Variants in A2ML1 observed in about 807,000 individuals in gnomAD.
A2ML1 encodes alpha-2-macroglobulin like 1.
In A2ML1, 161 loss-of-function variants were observed where a neutral mutation model predicts 181.9. The observed-to-expected ratio is 0.89, with a 90% CI of 0.78 to 1.01. The LOEUF is 1.01. Among genes scored for constraint, A2ML1 ranks in the 50% least tolerant of loss-of-function variants. The pLI, the probability that A2ML1 is intolerant of heterozygous loss-of-function variation, is 0.00. For synonymous variants in A2ML1, 663 were observed against 666.8 expected (o/e 0.99, Z 0.09); for missense variants, 1,670 against 1,768.1 (o/e 0.94, Z 1.00).
At chr12:8,880,786 T>C (rs1482145283), downstream of A2ML1, among the ~76,000 whole-genome samples, 1 of 152,134 alleles carries the variant, frequency 6.6e-6, no homozygotes, top group Non-Finnish European at 1.5e-5. Context: ...TGTTCATTAA[T>C]TAATAACATC....
chr12:8,868,685 T>G, intron 32 of A2ML1, 58 bp downstream of exon 32: 4 of 1,497,158 alleles, frequency 2.7e-6, no homozygotes, highest in Non-Finnish European at 3.7e-6. Context: ...ACGTTATAAT[T>G]TAAAAAACTG....
At chr12:8,861,078 A>G in intron 27 of A2ML1, 57 bp from the exon 28 acceptor site, 1 of 1,607,636 alleles carries the variant, frequency 6.2e-7, no homozygotes, top group Non-Finnish European at 8.5e-7. Flanking sequence ...TTTCCTGATT[A>G]CTTGCCATTT....
chr12:8,855,436 C>G, intron 22 of A2ML1, 73 bp from the exon 23 acceptor site: 1 of 1,415,202 alleles, frequency 7.1e-7, no homozygotes, highest in Non-Finnish European at 1.0e-6. Context: ...GAAAGTTCTT[C>G]TAAAATTTTG....
chr12:8,861,510 C>T (rs999544812), intron 28 of A2ML1, among the ~76,000 whole-genome samples: 7 of 152,194 alleles, frequency 4.6e-5, no homozygotes, highest in South Asian at 2.1e-4. Flanking sequence ...CTTTTTGAGA[C>T]GGAGTCTTGC....
In A2ML1 at chr12:8,835,531, C is replaced by T. The variant is rs1186342735; in HGVS notation, c.508C>T (p.Gln170Ter). ...GGATCCAAATAGCAACAGGATTGCACAGTGGCTGGAAGTGGTACCTGAGCA... is the reference window on the plus strand; with the variant it reads ...GGATCCAAATAGCAACAGGATTGCATAGTGGCTGGAAGTGGTACCTGAGCA... ...LQDPNSNRIAQWLEVVPEQGI... is the reference protein window; with the variant it reads ...LQDPNSNRIA The change falls in exon 6 of 36, where the codon CAG becomes TAG. Residue 170 changes from glutamine (Q) to a stop codon, truncating the protein, a stop_gained. Transcript: ENST00000299698. LOFTEE classifies it high-confidence loss of function. 3 of 1,614,044 alleles carry T rather than the reference C, an allele frequency of 1.9e-6. No individual in the cohort carries two copies. The highest frequency in any genetic ancestry group is 2.2e-5 in the South Asian group (2 of 91,092).
intron 11 of A2ML1, among the ~76,000 whole-genome samples, chr12:8,841,928 G>A (rs1445560440): frequency 1.3e-5 from 2 of 152,112 alleles, no homozygotes; most frequent in Non-Finnish European, 2.9e-5. Flanking sequence ...TAACTTATAA[G>A]TATCAATTAT....
chr12:8,843,444 C>A, intron 12 of A2ML1, 83 bp downstream of exon 12: 23 of 1,322,698 alleles, frequency 1.7e-5, no homozygotes, highest in Non-Finnish European at 2.2e-5. Context: ...TGCACCTAGG[C>A]TATCTGAATT....
rs1350570612 is a variant in A2ML1, at chr12:8,871,895, CCTGGCCGGG to C, written c.4222-2528_4222-2520del. ...ATTTAGTCAGATATTAAAACTGCTA[CCTGGCCGGG>C]CGCAGTGGCTCATGCCTGTAATCCC... On this transcript the variant is annotated intron_variant, in intron 33 of 35. Coordinates refer to ENST00000299698, the MANE Select transcript of A2ML1 (RefSeq NM_144670.6). 2.6e-5 allele frequency among the ~76,000 whole-genome samples: 4 copies of C among 152,010 alleles called. No homozygotes were observed. In the East Asian group the frequency reaches 7.7e-4, roughly 29 times the overall value.
At chr12:8,854,651 G>A in intron 21 of A2ML1, 129 bp from the exon 22 acceptor site, 2 of 946,802 alleles carry the variant, frequency 2.1e-6, no homozygotes, top group South Asian at 2.9e-5. Flanking sequence ...GCTTCAGTGA[G>A]AAGCTCTTGT....
rs749930364 is a variant in A2ML1, at chr12:8,841,351, A to G, written c.1081-18A>G. The G allele has an allele frequency of 1.2e-6, 2 of 1,612,122 alleles. No homozygotes were observed. Among genetic ancestry groups the G allele is most frequent in the Non-Finnish European group, 1.7e-6 (2 of 1,178,990 alleles). ...ACTCCAAACCTAATTCTAATCCGTA[A>G]TGATCTTTGTCCTTCAGATAAGAGT... On this transcript the variant is annotated intron_variant, in intron 10 of 35. Coordinates refer to ENST00000299698, the MANE Select transcript of A2ML1 (RefSeq NM_144670.6).
chr12:8,858,003 T>A lies in A2ML1; in HGVS notation c.3165T>A (p.Asp1055Glu). 1 of 1,614,146 alleles carries A rather than the reference T, an allele frequency of 6.2e-7. No individual in the cohort carries two copies. Among genetic ancestry groups the A allele is most frequent in the South Asian group, 1.1e-5 (1 of 91,070 alleles). ...FGQAQKFIFI[D>E]PKNIQDALKW... ...AAGCTCAGAAATTCATCTTCATTGA[T>A]CCCAAGAACATCCAGGATGCTCTCA... Residue 1055 changes from aspartate (D) to glutamate (E), a missense_variant, in exon 26 of 36, where the codon GAT becomes GAA. By Grantham distance (45) the Asp-to-Glu change is conservative. Transcript: ENST00000299698.
chr12:8,852,188 G>T lies in A2ML1; in HGVS notation c.2464-22G>T. On this transcript the variant is annotated intron_variant, in intron 19 of 35. Transcript: ENST00000299698. The surrounding 1 kb of genome is among the most constrained non-coding windows in gnomAD (Gnocchi z 4.2). ...ACTACCTCCTTTGTTTGTACCCTTT[G>T]TCTCTTAAACATCCTCCGTAGGTTC... 1 of 1,613,620 alleles carries T rather than the reference G, an allele frequency of 6.2e-7. No individual in the cohort carries two copies. The highest frequency in any genetic ancestry group is 1.1e-5 in the South Asian group (1 of 91,042).
Position 8,829,724 on chromosome 12 carries a change from C to T in A2ML1, c.410-3C>T, listed in dbSNP as rs1315308326. Reference sequence around the variant, plus strand: ...TTTGCTAATGATGCCTGTTCCTTTCCAGTGTATTTCCGCATTGTCACCATG... The same window carrying T: ...TTTGCTAATGATGCCTGTTCCTTTCTAGTGTATTTCCGCATTGTCACCATG... On this transcript the variant is annotated splice_polypyrimidine_tract_variant and splice_region_variant and intron_variant, in intron 3 of 35. Transcript: ENST00000299698. 1.2e-6 allele frequency: 2 copies of T among 1,613,498 alleles called. No homozygotes were observed. The highest frequency in any genetic ancestry group is 2.2e-5 in the South Asian group (2 of 91,038).
intron 7 of A2ML1, among the ~76,000 whole-genome samples, chr12:8,885,610 G>A (rs1209778823): frequency 6.6e-6 from 1 of 151,944 alleles, no homozygotes; most frequent in Non-Finnish European, 1.5e-5. Flanking sequence ...GGAGGCACAT[G>A]CCACCACACC....
At position 8,829,910 on chromosome 12, in the gene A2ML1, G is replaced by A. The variant is rs112267835; in HGVS notation, c.462+131G>A. 910 of 1,078,554 alleles carry A rather than the reference G, an allele frequency of 8.4e-4. 9 individuals are homozygous for A. In the African/African-American group the frequency reaches 0.012, roughly 15 times the overall value. The allele number at this position is 1,078,554 out of a possible 1,614,324, so 66.8% of individuals were successfully genotyped here. The stretch of plus-strand genomic sequence containing the variant: ...CTCTGGGTTGGAGACTGCTGTGTGC[G>A]TGGGACTGGAAGTGCTGGGCGAGCT... On this transcript the variant is annotated intron_variant, in intron 4 of 35. Coordinates refer to ENST00000299698, the MANE Select transcript of A2ML1 (RefSeq NM_144670.6).
rs779067965 is a variant in A2ML1 at position 8,823,241 on chromosome 12, T to C, written c.122T>C (p.Leu41Ser). Residue 41 changes from leucine (L) to serine (S), a missense_variant, in exon 2 of 36, where the codon TTG (leucine) becomes TCG (serine). Transcript: ENST00000299698. Reference sequence around the variant, plus strand: ...TTCCCCTCCGTTCAGAAGGTTTGTTTGGACCTGAGCCCTGGGTACAGTGAT... The same window carrying C: ...TTCCCCTCCGTTCAGAAGGTTTGTTCGGACCTGAGCCCTGGGTACAGTGAT... Reference protein sequence around the residue: ...LNFPSVQKVCLDLSPGYSDVK... With the variant: ...LNFPSVQKVCSDLSPGYSDVK... 1.2e-6 allele frequency: 2 copies of C among 1,614,190 alleles called. No individual in the cohort carries two copies. Among genetic ancestry groups the C allele is most frequent in the African/African-American group, 1.3e-5 (1 of 75,040 alleles).
chr12:8,879,984 TCA>T (rs773764590), downstream of A2ML1, among the ~76,000 whole-genome samples: 3 of 152,230 alleles, frequency 2.0e-5, no homozygotes, highest in South Asian at 6.2e-4. Flanking sequence ...CTCAAAAAGC[TCA>T]CAGACTAGTG....
Position 8,839,130 on chromosome 12 carries a change from A to C in A2ML1, c.988A>C (p.Thr330Pro), listed in dbSNP as rs897684841. The stretch of plus-strand genomic sequence containing the variant: ...CTCTGCAGGTGTGGAGGCCAATGCC[A>C]CTCAGAATATCTACATTTCTCCACA... ...EEGTGVEANA[T>P]QNIYISPQMG... Residue 330 changes from threonine (T) to proline (P), a missense_variant, in exon 10 of 36, where the codon ACT becomes CCT. Thr to Pro is a conservative substitution (Grantham distance 38). Coordinates refer to ENST00000299698, the MANE Select transcript of A2ML1 (RefSeq NM_144670.6). The C allele has an allele frequency of 6.2e-7, 1 of 1,612,906 alleles. No homozygotes were observed. Among genetic ancestry groups the C allele is most frequent in the Non-Finnish European group, 8.5e-7 (1 of 1,179,422 alleles).
intron 22 of A2ML1, among the ~76,000 whole-genome samples, 156 bp downstream of exon 22, chr12:8,854,987 C>A (rs888091414): frequency 3.3e-5 from 5 of 151,920 alleles, no homozygotes; most frequent in Non-Finnish European, 5.9e-5. Context: ...CTCTGCCTCC[C>A]GGGTTCAAGT....
Sources: allele counts gnomAD v4.1 joint callset (sites outside exome capture counted in the v4.1 genomes callset), GRCh38; gene constraint gnomAD v4.1.1; non-coding constraint Gnocchi (gnomAD v3.1); transcripts MANE v1.5; gene names NCBI Gene and HGNC (gene_info 2026-07-23, HGNC 2026-07-21).